LMTK3: variants seen among roughly 807,000 people sequenced by gnomAD.
LMTK3 encodes lemur tail kinase 3, also known as serine/threonine-protein kinase LMTK3.
Under a neutral mutation model 116.7 loss-of-function variants are expected in LMTK3, and 27 were observed. That is an observed-to-expected ratio of 0.23 (90% CI 0.17 to 0.32). LMTK3 has a LOEUF of 0.32. LMTK3 is among the 10% of genes least tolerant of loss of function. LMTK3 has a pLI of 1.00. For synonymous variants in LMTK3, 965 were observed against 971.0 expected (o/e 0.99, Z 0.11); for missense variants, 1,764 against 2,068.5 (o/e 0.85, Z 2.86).
At position 48,502,573 on chromosome 19, in the gene LMTK3, C is replaced by T; in HGVS notation, c.654G>A (p.Leu218=). ...GCCGCTGGGCTCGGAGGTAACGCTT[C>T]AGGTCCCCCTGGGAGGGAGGCAAAG... ...LIMEFCQLGD[L]KRYLRAQRPP... The change falls in exon 7 of 15, where the codon CTG becomes CTA. Residue 218 remains leucine (L), a synonymous_variant. Coordinates refer to ENST00000600059, the MANE Select transcript of LMTK3 (RefSeq NM_001388485.1). 6.4e-7 allele frequency: 1 copy of T among 1,560,180 alleles called. No homozygotes were observed. Among genetic ancestry groups the T allele is most frequent in the Non-Finnish European group, 8.7e-7 (1 of 1,155,364 alleles).
intron 12 of LMTK3, among the ~76,000 whole-genome samples, chr19:48,493,412 G>A (rs993104315): frequency 7.5e-6 from 1 of 132,794 alleles, no homozygotes; most frequent in Non-Finnish European, 1.5e-5. Flanking sequence ...CTAGATTGGG[G>A]CTCCCCTTAG....
At position 48,499,760 on chromosome 19, in the gene LMTK3, GGGGCCA is replaced by G; in HGVS notation, c.1303_1308del (p.Trp435_Pro436del). On this transcript the variant is annotated inframe_deletion, in exon 11 of 15. Coordinates refer to ENST00000600059, the MANE Select transcript of LMTK3 (RefSeq NM_001388485.1). ...CCCGGGCGGGGCGCACTGTGTGCAG[GGGGCCA>G]GGGCCAGGGGAAGGGACCGTCTCGG... is the stretch of plus-strand genomic sequence containing the variant. 1 of 1,536,468 alleles carries G rather than the reference GGGGCCA, an allele frequency of 6.5e-7. No homozygotes were observed. The highest frequency in any genetic ancestry group is 2.0e-5 in the Admixed American group (1 of 49,802).
chr19:48,497,690 G>A lies in LMTK3; in HGVS notation c.3379C>T (p.Pro1127Ser). ...GCCTTTGCGTCCACGCCGCTTCCGG[G>A]GCCGCCGCCGGGGGCCGTCCCCGTG... ...VGTGTAPGGGPGSGVDAKAGW... is the reference protein window; with the variant it reads ...VGTGTAPGGGSGSGVDAKAGW... The change falls in exon 11 of 15, where the codon CCC becomes TCC. Residue 1127 changes from proline to serine, a missense_variant. Transcript: ENST00000600059. The surrounding 1 kb of genome is among the most constrained non-coding windows in gnomAD (Gnocchi z 5.7). The A allele has an allele frequency of 7.6e-7, 1 of 1,314,728 alleles. No homozygotes were observed. 81.4% of individuals were successfully genotyped at this position (1,314,728 alleles called of 1,614,324 possible).
chr19:48,490,443 T>C (rs1972201581), intron 14 of LMTK3, among the ~76,000 whole-genome samples: 1 of 150,166 alleles, frequency 6.7e-6, no homozygotes, highest in Non-Finnish European at 1.5e-5. Context: ...CGAGAATCGT[T>C]TGAACCCAGG....
At chr19:48,503,381 C>A (rs549235558) in intron 5 of LMTK3, among the ~76,000 whole-genome samples, 1 of 152,152 alleles carries the variant, frequency 6.6e-6, no homozygotes, top group Admixed American at 6.5e-5. Context: ...TTCCTCACCT[C>A]GGAGTCTCTC....
chr19:48,491,772 C>T lies in LMTK3; in HGVS notation c.4093-233G>A, dbSNP rs554491811. Among the ~76,000 whole-genome samples, 1 of 152,300 alleles carries T rather than the reference C, an allele frequency of 6.6e-6. No individual in the cohort carries two copies. Among genetic ancestry groups the T allele is most frequent in the East Asian group, 1.9e-4 (1 of 5,178 alleles). Reference sequence around the variant, plus strand: ...AGGCTCCTTTCCTGACAGCGGAGCCCCGCGCACAGCTAAGTAGCCCAACGC... The same window carrying T: ...AGGCTCCTTTCCTGACAGCGGAGCCTCGCGCACAGCTAAGTAGCCCAACGC... On this transcript the variant is annotated intron_variant, in intron 12 of 14. Transcript: ENST00000600059. This position sits in a 1 kb window ranked among gnomAD's most constrained non-coding sequence, Gnocchi z 5.1.
Position 48,501,096 on chromosome 19 carries a change from A to G in LMTK3, c.1051T>C (p.Tyr351His). The change falls in exon 10 of 15, where the codon TAC (tyrosine) becomes CAC (histidine). Residue 351 changes from tyrosine to histidine, a missense_variant. By Grantham distance (83) the Tyr-to-His change is moderately conservative (BLOSUM62 2). Around this residue, in one of 7 missense-constraint regions of LMTK3, gnomAD observed 271 missense variants for 478.2 expected, o/e 0.57. Transcript: ENST00000600059. Reference sequence around the variant, plus strand: ...ACCTCCTCGTCTGACAGGTGGCGGTAGGGCTGGGCCCCAAACTCAAACAGC... The same window carrying G: ...ACCTCCTCGTCTGACAGGTGGCGGTGGGGCTGGGCCCCAAACTCAAACAGC... ...WELFEFGAQP[Y>H]RHLSDEEVLA... is the part of the protein sequence containing the mutation. The G allele has an allele frequency of 1.3e-6, 2 of 1,596,034 alleles. No homozygotes were observed. The highest frequency in any genetic ancestry group is 2.3e-5 in the South Asian group (2 of 88,810).
In LMTK3 at chr19:48,494,047, C is replaced by T; in HGVS notation, c.3739G>A (p.Gly1247Ser). 8.5e-7 allele frequency: 1 copy of T among 1,179,818 alleles called. No individual in the cohort carries two copies. Among genetic ancestry groups the T allele is most frequent in the Non-Finnish European group, 1.0e-6 (1 of 954,450 alleles). 73.1% of individuals were successfully genotyped at this position (1,179,818 alleles called of 1,614,324 possible). The change falls in exon 12 of 15, where the codon GGC (glycine) becomes AGC (serine). Residue 1247 changes from glycine (G) to serine (S), a missense_variant. Physicochemically the swap from Gly to Ser is moderately conservative, Grantham distance 56. Coordinates refer to ENST00000600059, the MANE Select transcript of LMTK3 (RefSeq NM_001388485.1). The surrounding 1 kb of genome is among the most constrained non-coding windows in gnomAD (Gnocchi z 4.0). ...PLTLTPFPGP[G>S]PRRPPWEGAD... The stretch of plus-strand genomic sequence containing the variant: ...CCCTCCCACGGGGGCCGCCGCGGGC[C>T]CGGCCCCGGGAATGGCGTGAGCGTG...
At chr19:48,486,348 C>T (rs954235878) in intron 14 of LMTK3, among the ~76,000 whole-genome samples, 4 of 150,524 alleles carry the variant, frequency 2.7e-5, no homozygotes, top group African/African-American at 4.9e-5. Context: ...CGTGAGCCAC[C>T]GCGCCCGGCC....
Position 48,499,802 on chromosome 19 carries a change from G to T in LMTK3, c.1267C>A (p.Pro423Thr). The T allele has an allele frequency of 6.5e-7, 1 of 1,537,530 alleles. No homozygotes were observed. Among genetic ancestry groups the T allele is most frequent in the Non-Finnish European group, 8.8e-7 (1 of 1,141,100 alleles). ...AAGGGACCGTCTCGGGGTGGGGGTG[G>T]CGGCGGTGGGGGCCGGGGAGGCCGC... Reference protein sequence around the residue: ...SERPPRPPPPPPPPRDGPFPW... With the variant: ...SERPPRPPPPTPPPRDGPFPW... The change falls in exon 11 of 15, where the codon CCA becomes ACA. Residue 423 changes from proline to threonine, a missense_variant. Transcript: ENST00000600059.
chr19:48,507,142 A>T (rs1972583935), intron 5 of LMTK3, among the ~76,000 whole-genome samples: 1 of 152,232 alleles, frequency 6.6e-6, no homozygotes. Flanking sequence ...AGTTCCCAGC[A>T]TGGGAGACTT....
chr19:48,492,435 C>T (rs976780990), intron 12 of LMTK3, among the ~76,000 whole-genome samples: 2 of 152,182 alleles, frequency 1.3e-5, no homozygotes, highest in Non-Finnish European at 2.9e-5. Context: ...GATCCTCCCG[C>T]CTCGGCCTCC....
Position 48,485,822 on chromosome 19 carries a change from A to G in LMTK3, c.4367-33T>C, listed in dbSNP as rs753101369. The G allele has an allele frequency of 2.3e-5, 36 of 1,598,330 alleles. No homozygotes were observed. The East Asian group carries it at 7.6e-4, about 34-fold the overall frequency. ...TGGACAGAGGAGACAGAGAAATGAAATTACTAGGGGGACAGCCTCATGGCT... is the reference window on the plus strand; with the variant it reads ...TGGACAGAGGAGACAGAGAAATGAAGTTACTAGGGGGACAGCCTCATGGCT... On this transcript the variant is annotated intron_variant, in intron 14 of 14. Coordinates refer to ENST00000600059, the MANE Select transcript of LMTK3 (RefSeq NM_001388485.1).
At chr19:48,493,595 C>A (rs1463941525) in intron 12 of LMTK3, 99 bp downstream of exon 12, 10 of 1,429,854 alleles carry the variant, frequency 7.0e-6, no homozygotes, top group Non-Finnish European at 9.2e-6. Flanking sequence ...CAGGCCCCGC[C>A]CAACTCTAAG....
Position 48,494,885 on chromosome 19 carries a change from C to T in LMTK3, c.3677-776G>A, listed in dbSNP as rs967187995. 6.6e-6 allele frequency among the ~76,000 whole-genome samples: 1 copy of T among 152,206 alleles called. No individual in the cohort carries two copies. The highest frequency in any genetic ancestry group is 1.5e-5 in the Non-Finnish European group (1 of 68,042). On this transcript the variant is annotated intron_variant, in intron 11 of 14. Transcript: ENST00000600059. The surrounding 1 kb of genome is among the most constrained non-coding windows in gnomAD (Gnocchi z 4.0). ...ATCTCAGTGCCCTCTCTAGAACACT[C>T]TCCCACCGATGTCCACCTGCCTCAC...
In LMTK3 at chr19:48,501,381, C is replaced by T. The variant is rs1972463520; in HGVS notation, c.903G>A (p.Glu301=). The stretch of plus-strand genomic sequence containing the variant: ...CCCAGCGCAGTGGGATCCACAGGCG[C>T]TCTGGGGTCAGGTAGTAGTCCTCCT... ...NYKEDYYLTP[E]RLWIPLRWAA... The change falls in exon 9 of 15, where the codon GAG becomes GAA. Residue 301 remains glutamate (E), a synonymous_variant. Coordinates refer to ENST00000600059, the MANE Select transcript of LMTK3 (RefSeq NM_001388485.1). 1.2e-6 allele frequency: 2 copies of T among 1,613,020 alleles called. No homozygotes were observed. The highest frequency in any genetic ancestry group is 2.7e-5 in the African/African-American group (2 of 74,922).
intron 14 of LMTK3, among the ~76,000 whole-genome samples, chr19:48,488,596 G>T (rs75401499): frequency 0.033 from 4,975 of 152,136 alleles, 141 homozygotes; most frequent in African/African-American, 0.081. Context: ...AGCCACACCA[G>T]TGTCCTTCTG....
Position 48,501,155 on chromosome 19 carries a change from G to A in LMTK3, c.1002-10C>T. On this transcript the variant is annotated splice_polypyrimidine_tract_variant and intron_variant, in intron 9 of 14. Coordinates refer to ENST00000600059, the MANE Select transcript of LMTK3 (RefSeq NM_001388485.1). ...GGTCACCCCCAGGGACCTGCAGAGA[G>A]CAGAGAGAGGTCAGAGCCCAGCCCT... 2 of 1,611,220 alleles carry A rather than the reference G, an allele frequency of 1.2e-6. No individual in the cohort carries two copies. The highest frequency in any genetic ancestry group is 1.7e-6 in the Non-Finnish European group (2 of 1,178,636).
chr19:48,505,105 T>C (rs75056221), intron 5 of LMTK3, among the ~76,000 whole-genome samples: 13 of 103,582 alleles, frequency 1.3e-4, no homozygotes, highest in South Asian at 7.0e-4. Context: ...CTCTCTCTCT[T>C]TTTTTTTTTT....
Sources: allele counts gnomAD v4.1 joint callset (sites outside exome capture counted in the v4.1 genomes callset), GRCh38; gene constraint gnomAD v4.1.1; regional missense constraint gnomAD v4.1.1; non-coding constraint Gnocchi (gnomAD v3.1); transcripts MANE v1.5; gene names NCBI Gene and HGNC (gene_info 2026-07-23, HGNC 2026-07-21).